Variants in ARMH4 observed in about 807,000 individuals in gnomAD.
The protein encoded by ARMH4 is armadillo like helical domain containing 4.
ARMH4 carries 49 observed loss-of-function variants against 61.9 expected under a neutral mutation model. The observed-to-expected ratio is 0.79, with a 90% CI of 0.63 to 1.00. ARMH4 has a LOEUF of 1.00. Among genes scored for constraint, ARMH4 ranks in the 50% least tolerant of loss-of-function variants. The pLI, the probability that ARMH4 is intolerant of heterozygous loss-of-function variation, is 0.00. For synonymous variants in ARMH4, 368 were observed against 341.5 expected (o/e 1.08, Z -0.85); for missense variants, 934 against 930.0 (o/e 1.00, Z -0.06).
chr14:58,097,025 T>C (rs749206218), intron 4 of ARMH4, 44 bp from the exon 5 acceptor site: 5 of 1,578,084 alleles, frequency 3.2e-6, no homozygotes, highest in Non-Finnish European at 4.3e-6. Context: ...ATATAATGAG[T>C]TTATGCTGAA....
Position 58,124,916 on chromosome 14 carries a change from G to A in ARMH4, c.1831+6596C>T, listed in dbSNP as rs148607112. 4.4e-3 allele frequency among the ~76,000 whole-genome samples: 664 copies of A among 152,272 alleles called. 3 individuals are homozygous for A. The highest frequency in any genetic ancestry group is 7.5e-3 in the Non-Finnish European group (512 of 68,014). On this transcript the variant is annotated intron_variant, in intron 4 of 7. Transcript: ENST00000267485. The stretch of plus-strand genomic sequence containing the variant: ...ACTAAAATTAGGAGAAGGAAAAAAG[G>A]TAAATATATATACAGACTCTAAGTA...
At chr14:58,069,248 G>C (rs914003296) in intron 5 of ARMH4, among the ~76,000 whole-genome samples, 2 of 152,154 alleles carry the variant, frequency 1.3e-5, no homozygotes, top group Non-Finnish European at 2.9e-5. Flanking sequence ...CATGTATGCA[G>C]AGTACGTTCA....
At chr14:58,009,327 T>C (rs1882299617) in intron 6 of ARMH4, among the ~76,000 whole-genome samples, 1 of 152,148 alleles carries the variant, frequency 6.6e-6, no homozygotes, top group Non-Finnish European at 1.5e-5. Context: ...GGGGTGTCAT[T>C]AGCCTCCCCC....
intron 5 of ARMH4, among the ~76,000 whole-genome samples, chr14:58,033,834 A>G (rs200811254): frequency 6.1e-3 from 194 of 31,810 alleles, no homozygotes; most frequent in East Asian, 0.038. Context: ...GAAATGAAGC[A>G]AGAAGGGAAG....
chr14:58,112,800 C>T (rs1886395684), intron 4 of ARMH4, among the ~76,000 whole-genome samples: 1 of 152,138 alleles, frequency 6.6e-6, no homozygotes, highest in Non-Finnish European at 1.5e-5. Context: ...ATTCTCCTGT[C>T]TTCTGGTTTC....
chr14:58,099,639 T>C (rs1885888285), intron 4 of ARMH4, among the ~76,000 whole-genome samples: 1 of 151,176 alleles, frequency 6.6e-6, no homozygotes. Context: ...ACAGAGAAAA[T>C]AGGGGGCAGG....
At chr14:58,032,770 C>CAGG (rs1883300260) in intron 5 of ARMH4, among the ~76,000 whole-genome samples, 3 of 152,066 alleles carry the variant, frequency 2.0e-5, no homozygotes, top group Admixed American at 1.3e-4. Context: ...GTTCCCTTTC[C>CAGG]GAGTCAAAGA....
chr14:58,118,372 C>A (rs574661965), intron 4 of ARMH4, among the ~76,000 whole-genome samples: 2 of 152,074 alleles, frequency 1.3e-5, no homozygotes, highest in South Asian at 4.2e-4. Context: ...TGTCACTTGC[C>A]TAGGAATTAA....
intron 5 of ARMH4, among the ~76,000 whole-genome samples, chr14:58,019,620 G>A (rs566772240): frequency 1.3e-5 from 2 of 151,368 alleles, no homozygotes; most frequent in African/African-American, 4.9e-5. Flanking sequence ...GTGAAACCCC[G>A]TCTCTACTAA....
At chr14:58,076,178 C>T (rs955576508) in intron 5 of ARMH4, among the ~76,000 whole-genome samples, 4 of 152,080 alleles carry the variant, frequency 2.6e-5, no homozygotes, top group Non-Finnish European at 5.9e-5. Context: ...AGAATTTCTT[C>T]ATCATTAAGC....
chr14:58,104,870 C>T (rs755772224), intron 4 of ARMH4, among the ~76,000 whole-genome samples: 3 of 152,106 alleles, frequency 2.0e-5, no homozygotes, highest in Admixed American at 6.5e-5. Flanking sequence ...GAGATAGATG[C>T]GGTTTTTTAA....
At chr14:58,069,729 T>C (rs1278582896) in intron 5 of ARMH4, among the ~76,000 whole-genome samples, 1 of 152,080 alleles carries the variant, frequency 6.6e-6, no homozygotes, top group African/African-American at 2.4e-5. Flanking sequence ...GCAAAGGAAA[T>C]TCATTTTATC....
At chr14:58,124,631 T>A (rs1886836814) in intron 4 of ARMH4, among the ~76,000 whole-genome samples, 1 of 152,210 alleles carries the variant, frequency 6.6e-6, no homozygotes, top group African/African-American at 2.4e-5. Context: ...TCCAGCAACA[T>A]TTCTTCCAGA....
chr14:58,070,504 C>T (rs1408753689), intron 5 of ARMH4, among the ~76,000 whole-genome samples: 2 of 152,176 alleles, frequency 1.3e-5, no homozygotes, highest in Non-Finnish European at 2.9e-5. Context: ...CAGAATATTA[C>T]AATGTTTCCC....
intron 4 of ARMH4, among the ~76,000 whole-genome samples, chr14:58,119,525 C>T (rs1392865566): frequency 1.3e-5 from 2 of 152,166 alleles, no homozygotes; most frequent in Admixed American, 6.5e-5. Context: ...TACGTGTTTG[C>T]CTCAGCATCT....
intron 6 of ARMH4, among the ~76,000 whole-genome samples, chr14:58,005,882 G>C (rs1006718573): frequency 4.6e-5 from 7 of 152,318 alleles, no homozygotes; most frequent in African/African-American, 1.7e-4. Context: ...CTTCCCAACA[G>C]ACAAGACAAA....
chr14:58,139,571 A>G (rs1469794705), intron 1 of ARMH4, among the ~76,000 whole-genome samples, 157 bp from the exon 2 acceptor site: 2 of 152,242 alleles, frequency 1.3e-5, no homozygotes, highest in Non-Finnish European at 2.9e-5. Flanking sequence ...CCTTTGAGAC[A>G]TGGATAACCC....
chr14:58,096,008 G>C (rs1224590417), intron 5 of ARMH4, among the ~76,000 whole-genome samples: 1 of 152,192 alleles, frequency 6.6e-6, no homozygotes, highest in African/African-American at 2.4e-5. Flanking sequence ...CAAGAGGAGA[G>C]GGACAGACTG....
chr14:58,085,453 T>C (rs2141248412), intron 5 of ARMH4, among the ~76,000 whole-genome samples: 1 of 152,078 alleles, frequency 6.6e-6, no homozygotes, highest in Non-Finnish European at 1.5e-5. Context: ...AAGAAATTAG[T>C]TCACAGCATT....
Sources: gnomAD v4.1 joint callset for allele counts (sites outside exome capture counted in the v4.1 genomes callset) on GRCh38, gnomAD v4.1.1 for gene constraint, MANE v1.5 for transcripts, NCBI Gene and HGNC (gene_info 2026-07-23, HGNC 2026-07-21) for gene names.